Variants in ADAMTS6 observed in about 807,000 individuals in gnomAD.
ADAMTS6 encodes the protein A disintegrin and metalloproteinase with thrombospondin motifs 6.
Under a neutral mutation model 144.3 loss-of-function variants are expected in ADAMTS6, and 23 were observed. The ratio of observed to expected loss-of-function variants is 0.16; its 90% CI spans 0.11 to 0.23. The LOEUF is 0.23. ADAMTS6 is among the 10% of genes least tolerant of loss of function. The probability of loss-of-function intolerance (pLI) is 1.00; values close to 1 mark genes in which losing one functional copy is unlikely to be tolerated. For missense variants in ADAMTS6, 999 were observed against 1,379.6 expected (o/e 0.72, Z 4.37); for synonymous variants, 444 against 457.5 (o/e 0.97, Z 0.38).
At chr5:65,338,234 A>C (rs2150071189) in intron 7 of ADAMTS6, among the ~76,000 whole-genome samples, 1 of 152,304 alleles carries the variant, frequency 6.6e-6, no homozygotes, top group South Asian at 2.1e-4. Flanking sequence ...AGAATTAAGA[A>C]AGTTGGTCAT....
At chr5:65,305,103 T>C (rs929148686) in intron 9 of ADAMTS6, among the ~76,000 whole-genome samples, 24 of 152,100 alleles carry the variant, frequency 1.6e-4, no homozygotes, top group African/African-American at 5.8e-4. Context: ...ATAAAGGATA[T>C]AATGTCTACA....
At chr5:65,432,044 G>A (rs79281481) in intron 7 of ADAMTS6, among the ~76,000 whole-genome samples, 86 of 152,094 alleles carry the variant, frequency 5.7e-4, no homozygotes, top group African/African-American at 2.0e-3. Context: ...AGACTTTTTA[G>A]AATTATTTCT....
chr5:65,221,386 G>A (rs1757313522), intron 18 of ADAMTS6, among the ~76,000 whole-genome samples: 1 of 151,960 alleles, frequency 6.6e-6, no homozygotes, highest in East Asian at 1.9e-4. Flanking sequence ...GGAAAGGGAG[G>A]GCAAACCCCA....
intron 21 of ADAMTS6, among the ~76,000 whole-genome samples, chr5:65,191,133 C>T (rs970537796): frequency 1.3e-5 from 2 of 152,078 alleles, no homozygotes; most frequent in African/African-American, 4.8e-5. Flanking sequence ...TCTTTCTGAG[C>T]TTTTCCCAAT....
chr5:65,459,190 T>C (rs1163476200), intron 4 of ADAMTS6, among the ~76,000 whole-genome samples: 4 of 152,174 alleles, frequency 2.6e-5, no homozygotes, highest in East Asian at 1.9e-4. Context: ...TTTCTCTACA[T>C]TTTCTCACCT....
rs186944393 is a variant in ADAMTS6, at chr5:65,257,978, T to C, written c.1830+2622A>G. On this transcript the variant is annotated intron_variant, in intron 14 of 24. Coordinates refer to ENST00000381055, the MANE Select transcript of ADAMTS6 (RefSeq NM_197941.4). ...GGTCTAATATACAATAGGCATTCAA[T>C]TATTTTTTAAACAAATGAATAAATA... 3.9e-5 allele frequency among the ~76,000 whole-genome samples: 6 copies of C among 152,368 alleles called. No homozygotes were observed. The East Asian group carries it at 1.2e-3, about 29-fold the overall frequency.
At chr5:65,401,714 A>G (rs1216502311) in intron 7 of ADAMTS6, among the ~76,000 whole-genome samples, 1 of 152,098 alleles carries the variant, frequency 6.6e-6, no homozygotes, top group Non-Finnish European at 1.5e-5. Context: ...TGTCACTCCA[A>G]TTTTGGGAGA....
chr5:65,195,754 C>A (rs375025840), intron 21 of ADAMTS6, among the ~76,000 whole-genome samples: 116 of 152,292 alleles, frequency 7.6e-4, no homozygotes, highest in African/African-American at 2.7e-3. Flanking sequence ...CATACAAATT[C>A]ATTTGCTTAT....
intron 7 of ADAMTS6, among the ~76,000 whole-genome samples, chr5:65,349,353 T>C (rs1406886531): frequency 1.3e-5 from 2 of 151,986 alleles, no homozygotes; most frequent in Non-Finnish European, 2.9e-5. Context: ...AAAATGCAGA[T>C]GAAAGAGCTA....
chr5:65,168,908 G>A lies in ADAMTS6; in HGVS notation c.3244+1709C>T, dbSNP rs1257536829. ...TTCAAGATGGATTAAAGATTTAAACGTTAGACCTAAAACCATAAAAACCCT... is the reference window on the plus strand; with the variant it reads ...TTCAAGATGGATTAAAGATTTAAACATTAGACCTAAAACCATAAAAACCCT... On this transcript the variant is annotated intron_variant, in intron 24 of 24. Coordinates refer to ENST00000381055, the MANE Select transcript of ADAMTS6 (RefSeq NM_197941.4). Among the ~76,000 whole-genome samples the A allele has an allele frequency of 3.4e-3, 501 of 145,724 alleles. 2 individuals are homozygous for A. The highest frequency in any genetic ancestry group is 5.4e-3 in the Non-Finnish European group (360 of 66,150).
chr5:65,431,208 T>C (rs1756977204), intron 7 of ADAMTS6, among the ~76,000 whole-genome samples: 1 of 152,074 alleles, frequency 6.6e-6, no homozygotes, highest in African/African-American at 2.4e-5. Flanking sequence ...ATATAAACAT[T>C]ATATGTCTCA....
chr5:65,210,527 A>T, intron 20 of ADAMTS6: 1 of 423,048 alleles, frequency 2.4e-6, no homozygotes, highest in African/African-American at 2.1e-5. Flanking sequence ...GAAAGCATTG[A>T]TGTTCAACCA....
intron 1 of ADAMTS6, among the ~76,000 whole-genome samples, chr5:65,478,515 G>T (rs932782174): frequency 4.6e-5 from 7 of 152,178 alleles, no homozygotes; most frequent in African/African-American, 1.7e-4. Flanking sequence ...ACAAAGACTT[G>T]TTAAGAGATT....
chr5:65,299,199 A>AT (rs1025008441), intron 10 of ADAMTS6, among the ~76,000 whole-genome samples: 5 of 152,188 alleles, frequency 3.3e-5, no homozygotes, highest in African/African-American at 7.2e-5. Context: ...TTTTATATAC[A>AT]TTATAGCATG....
At chr5:65,381,133 C>T (rs75945381) in intron 7 of ADAMTS6, among the ~76,000 whole-genome samples, 1,876 of 152,226 alleles carry the variant, frequency 0.012, 28 homozygotes, top group East Asian at 0.081. Context: ...TTTTCAAAAA[C>T]AATCTAATGA....
At chr5:65,450,776 A>G (rs899372793) in intron 7 of ADAMTS6, among the ~76,000 whole-genome samples, 1 of 152,162 alleles carries the variant, frequency 6.6e-6, no homozygotes, top group Admixed American at 6.5e-5. Flanking sequence ...CTTACCTATC[A>G]GTTCCCTCAT....
intron 23 of ADAMTS6, among the ~76,000 whole-genome samples, chr5:65,171,689 C>CCTGGT: frequency 6.6e-6 from 1 of 151,834 alleles, no homozygotes; most frequent in Non-Finnish European, 1.5e-5. Flanking sequence ...AGGCGTGGAG[C>CCTGGT]CTGGTGATGG....
intron 7 of ADAMTS6, among the ~76,000 whole-genome samples, chr5:65,353,487 T>G (rs1341114191): frequency 6.6e-6 from 1 of 152,002 alleles, no homozygotes; most frequent in Non-Finnish European, 1.5e-5. Flanking sequence ...ATGTGAAGAT[T>G]CTTGTCCCTA....
intron 11 of ADAMTS6, among the ~76,000 whole-genome samples, chr5:65,281,113 TG>T (rs1762958139): frequency 6.6e-6 from 1 of 152,206 alleles, no homozygotes; most frequent in Admixed American, 6.5e-5. Flanking sequence ...TTATTCATCA[TG>T]GTAATCTCTT....
Sources: gnomAD v4.1 joint callset for allele counts (sites outside exome capture counted in the v4.1 genomes callset) on GRCh38, gnomAD v4.1.1 for gene constraint, MANE v1.5 for transcripts, NCBI Gene and HGNC (gene_info 2026-07-23, HGNC 2026-07-21) for gene names.